IGF2BP2: variants seen among roughly 807,000 people sequenced by gnomAD.
The protein encoded by IGF2BP2 is insulin like growth factor 2 mRNA binding protein 2, also known as insulin-like growth factor 2 mRNA-binding protein 2.
Under a neutral mutation model 75.8 loss-of-function variants are expected in IGF2BP2, and 17 were observed. The ratio of observed to expected loss-of-function variants is 0.22; its 90% CI spans 0.15 to 0.34. The LOEUF (loss-of-function observed/expected upper bound fraction) is 0.34, where lower values mean the gene tolerates loss of function less well. IGF2BP2 is among the 10% of genes least tolerant of loss of function. The pLI, the probability that IGF2BP2 is intolerant of heterozygous loss-of-function variation, is 1.00. For missense variants in IGF2BP2, 516 were observed against 772.4 expected, an observed-to-expected ratio of 0.67 and a Z score of 3.93; for synonymous variants, 288 against 295.6, an observed-to-expected ratio of 0.97 and a Z score of 0.26.
chr3:185,792,326 T>TG (rs1195066728), intron 2 of IGF2BP2, among the ~76,000 whole-genome samples: 1 of 152,132 alleles, frequency 6.6e-6, no homozygotes, highest in East Asian at 1.9e-4. Context: ...AAAACAGGGC[T>TG]GGGCGGGGTG....
chr3:185,785,015 C>T (rs1383998131), intron 2 of IGF2BP2, among the ~76,000 whole-genome samples: 2 of 152,128 alleles, frequency 1.3e-5, no homozygotes, highest in South Asian at 2.1e-4. Context: ...TAACAGCTGA[C>T]GTGGGACAGG....
chr3:185,708,009 T>C (rs1014821673), intron 2 of IGF2BP2, among the ~76,000 whole-genome samples: 3 of 152,234 alleles, frequency 2.0e-5, no homozygotes, highest in Admixed American at 6.5e-5. Flanking sequence ...CACAGCGTGT[T>C]TGGCATGAAG....
chr3:185,687,275 TACAGCAAGGAC>T, intron 6 of IGF2BP2, 84 bp from the exon 7 acceptor site: 1 of 1,388,176 alleles, frequency 7.2e-7, no homozygotes, highest in Non-Finnish European at 9.8e-7. Flanking sequence ...CCAACCCATG[TACAGCAAGGAC>T]ACAGACAGAC....
rs182350429 is a variant in IGF2BP2 at position 185,762,949 on chromosome 3, T to C, written c.239+60204A>G. The stretch of plus-strand genomic sequence containing the variant: ...TGAGAAGAGCAAAATACTTACTTTT[T>C]ATTTGTTAAGAAGGTTTATCTGCCT... On this transcript the variant is annotated intron_variant, in intron 2 of 15. Coordinates refer to ENST00000382199, the MANE Select transcript of IGF2BP2 (RefSeq NM_006548.6). 3.2e-3 allele frequency among the ~76,000 whole-genome samples: 485 copies of C among 152,336 alleles called. 2 individuals carry two copies. The highest frequency in any genetic ancestry group is 5.8e-3 in the Non-Finnish European group (392 of 68,040).
intron 2 of IGF2BP2, among the ~76,000 whole-genome samples, 185 bp from the exon 3 acceptor site, chr3:185,698,532 C>T (rs1722874498): frequency 6.6e-6 from 1 of 152,142 alleles, no homozygotes; most frequent in South Asian, 2.1e-4. Context: ...GAGCCAGAGT[C>T]TCGCTCTGTC....
At chr3:185,710,187 A>G (rs1724605835) in intron 2 of IGF2BP2, among the ~76,000 whole-genome samples, 1 of 145,886 alleles carries the variant, frequency 6.9e-6, no homozygotes, top group Non-Finnish European at 1.5e-5. Flanking sequence ...CTAAAAGTGA[A>G]CCTAATATCT....
rs148102480 is a variant in IGF2BP2, at chr3:185,664,293, T to C, written c.1201-5884A>G. Among the ~76,000 whole-genome samples, 1,158 of 152,308 alleles carry C rather than the reference T, an allele frequency of 7.6e-3. 15 individuals are homozygous for C. The highest frequency in any genetic ancestry group is 0.026 in the African/African-American group (1,100 of 41,558). On this transcript the variant is annotated intron_variant, in intron 10 of 15. Transcript: ENST00000382199. ...TAAACCACTGCACTCACTGCTGCGC[T>C]CACCTGGGACATTCTGAACTCACTG...
chr3:185,732,144 T>C (rs915220930), intron 2 of IGF2BP2, among the ~76,000 whole-genome samples: 45 of 152,194 alleles, frequency 3.0e-4, no homozygotes, highest in African/African-American at 1.1e-3. Flanking sequence ...CCGGGAACCC[T>C]GTATATCCCT....
intron 2 of IGF2BP2, among the ~76,000 whole-genome samples, chr3:185,753,989 A>G (rs1731280701): frequency 1.3e-5 from 2 of 151,882 alleles, no homozygotes; most frequent in Non-Finnish European, 2.9e-5. Flanking sequence ...GGATCACTTG[A>G]GCTCAGGAGT....
At chr3:185,785,465 CTGATA>C (rs1735766902) in intron 2 of IGF2BP2, among the ~76,000 whole-genome samples, 1 of 151,670 alleles carries the variant, frequency 6.6e-6, no homozygotes, top group Admixed American at 6.6e-5. Context: ...AAGCATCTGT[CTGATA>C]TATCAGGGAG....
At chr3:185,665,638 A>T (rs945178100) in intron 10 of IGF2BP2, among the ~76,000 whole-genome samples, 1 of 152,100 alleles carries the variant, frequency 6.6e-6, no homozygotes, top group African/African-American at 2.4e-5. Flanking sequence ...TATCTACAAA[A>T]GAAACAATTC....
intron 2 of IGF2BP2, among the ~76,000 whole-genome samples, chr3:185,740,561 A>G (rs946941859): frequency 1.3e-5 from 2 of 152,264 alleles, no homozygotes; most frequent in South Asian, 2.1e-4. Context: ...GCTAATAATC[A>G]TAATAGTTAA....
intron 2 of IGF2BP2, chr3:185,768,024 A>C (rs1210063722): frequency 3.3e-5 from 5 of 152,182 alleles, no homozygotes; most frequent in African/African-American, 1.2e-4. Context: ...CTCAGCCCTT[A>C]TATACACTTT....
chr3:185,721,042 C>T (rs1168050799), intron 2 of IGF2BP2, among the ~76,000 whole-genome samples: 1 of 152,164 alleles, frequency 6.6e-6, no homozygotes, highest in Non-Finnish European at 1.5e-5. Flanking sequence ...TGTCAGGAAG[C>T]ACTCATAAAT....
rs578189049 is a variant in IGF2BP2 at position 185,691,522 on chromosome 3, C to T, written c.404+1177G>A. ...CTGGGATATATAGCCAAGGTTATGC[C>T]ACACCCATAAAGCAAGACCAAATGT... On this transcript the variant is annotated intron_variant, in intron 5 of 15. Coordinates refer to ENST00000382199, the MANE Select transcript of IGF2BP2 (RefSeq NM_006548.6). Among the ~76,000 whole-genome samples, 5 of 152,246 alleles carry T rather than the reference C, an allele frequency of 3.3e-5. No homozygotes were observed. The East Asian group carries it at 9.6e-4, about 29-fold the overall frequency.
At chr3:185,722,471 G>T in intron 2 of IGF2BP2, 1 of 300,176 alleles carries the variant, frequency 3.3e-6, no homozygotes, top group Non-Finnish European at 6.5e-6. Context: ...CAGTATTGAT[G>T]GATTTAAGTT....
chr3:185,786,770 T>C (rs1735951699), intron 2 of IGF2BP2, among the ~76,000 whole-genome samples: 1 of 152,128 alleles, frequency 6.6e-6, no homozygotes, highest in African/African-American at 2.4e-5. Context: ...AACCTACATA[T>C]ACATTTTTTT....
At chr3:185,726,730 T>TTC (rs1315406263) in intron 2 of IGF2BP2, among the ~76,000 whole-genome samples, 3 of 152,222 alleles carry the variant, frequency 2.0e-5, no homozygotes, top group Non-Finnish European at 4.4e-5. Flanking sequence ...AGGGCCTGCC[T>TTC]TCTGTGTGGG....
At chr3:185,759,784 A>G (rs943286588) in intron 2 of IGF2BP2, among the ~76,000 whole-genome samples, 18 of 152,376 alleles carry the variant, frequency 1.2e-4, no homozygotes, top group Non-Finnish European at 1.8e-4. Context: ...TCTCATGAGC[A>G]AGGACTCTGG....
Sources: gnomAD v4.1 joint callset for allele counts (sites outside exome capture counted in the v4.1 genomes callset) on GRCh38, gnomAD v4.1.1 for gene constraint, MANE v1.5 for transcripts, NCBI Gene and HGNC (gene_info 2026-07-23, HGNC 2026-07-21) for gene names.